XKR4: variants seen among roughly 807,000 people sequenced by gnomAD.
XKR4 encodes the protein XK-related protein 4.
XKR4 carries 12 observed loss-of-function variants against 53.9 expected under a neutral mutation model. That is an observed-to-expected ratio of 0.22 (90% CI 0.14 to 0.36). XKR4 has a LOEUF of 0.36. Ranked by LOEUF, XKR4 falls within the 10% of genes least tolerant of loss-of-function variation. XKR4 has a pLI of 1.00. For missense variants in XKR4, 799 were observed against 859.5 expected (o/e 0.93, Z 0.88); for synonymous variants, 354 against 362.4 (o/e 0.98, Z 0.26).
chr8:55,495,280 G>A (rs1336413164), intron 2 of XKR4, among the ~76,000 whole-genome samples: 1 of 152,156 alleles, frequency 6.6e-6, no homozygotes, highest in East Asian at 1.9e-4. Context: ...TGCAGGTAGC[G>A]AGGGCCTTCC....
chr8:55,275,328 T>C (rs1217022305), intron 1 of XKR4, among the ~76,000 whole-genome samples: 1 of 152,194 alleles, frequency 6.6e-6, no homozygotes, highest in Non-Finnish European at 1.5e-5. Flanking sequence ...GTAATAGATA[T>C]AAGGAATAAT....
At chr8:55,109,857 G>A (rs1187729998) in intron 1 of XKR4, among the ~76,000 whole-genome samples, 7 of 152,190 alleles carry the variant, frequency 4.6e-5, no homozygotes, top group African/African-American at 1.7e-4. Flanking sequence ...CTTACAAAAT[G>A]TTTCTTCATG....
At chr8:55,389,036 TC>T (rs1804396381) in intron 2 of XKR4, among the ~76,000 whole-genome samples, 2 of 152,180 alleles carry the variant, frequency 1.3e-5, no homozygotes, top group South Asian at 4.1e-4. Context: ...TAACAGGTCT[TC>T]TTTTAAAAAG....
rs1050717821 is a variant in XKR4, at chr8:55,337,582, G to T, written c.807-20096G>T. On this transcript the variant is annotated intron_variant, in intron 1 of 2. Coordinates refer to ENST00000327381, the MANE Select transcript of XKR4 (RefSeq NM_052898.2). ...AGGGTATATCATATTAACAACTGAG[G>T]TGGAGGAAAGACAGAGGCCAGTGAA... Among the ~76,000 whole-genome samples, 4 of 152,162 alleles carry T rather than the reference G, an allele frequency of 2.6e-5. No individual in the cohort carries two copies. In the East Asian group the frequency reaches 5.8e-4, roughly 22 times the overall value.
chr8:55,113,649 C>G (rs1416459243), intron 1 of XKR4, among the ~76,000 whole-genome samples: 1 of 152,148 alleles, frequency 6.6e-6, no homozygotes, highest in Non-Finnish European at 1.5e-5. Context: ...GTGGTGAAGT[C>G]TGGGCTTTTA....
chr8:55,467,717 G>A (rs1215650270), intron 2 of XKR4, among the ~76,000 whole-genome samples: 6 of 152,158 alleles, frequency 3.9e-5, no homozygotes, highest in Non-Finnish European at 7.3e-5. Flanking sequence ...CAAAGATTGT[G>A]ACAGTGAGAG....
chr8:55,418,595 C>G (rs1804882884), intron 2 of XKR4, among the ~76,000 whole-genome samples: 1 of 152,214 alleles, frequency 6.6e-6, no homozygotes, highest in South Asian at 2.1e-4. Context: ...CCTGTCCCCT[C>G]AGTCCATTTT....
chr8:55,273,330 C>T (rs117952851), intron 1 of XKR4, among the ~76,000 whole-genome samples: 1,797 of 152,292 alleles, frequency 0.012, 23 homozygotes, highest in Middle Eastern at 0.065. Context: ...CCAAGCTGTC[C>T]TTATTCATTC....
At chr8:55,330,147 T>G (rs1803362654) in intron 1 of XKR4, among the ~76,000 whole-genome samples, 1 of 152,224 alleles carries the variant, frequency 6.6e-6, no homozygotes, top group East Asian at 1.9e-4. Flanking sequence ...TGGTGATTTT[T>G]AATTGACATA....
At chr8:55,151,865 T>G (rs186532504) in intron 1 of XKR4, among the ~76,000 whole-genome samples, 19 of 152,336 alleles carry the variant, frequency 1.2e-4, no homozygotes, top group Non-Finnish European at 2.4e-4. Flanking sequence ...CACCAAAATT[T>G]ATTTGACCAA....
intron 1 of XKR4, among the ~76,000 whole-genome samples, chr8:55,177,436 G>A (rs1023862072): frequency 6.6e-6 from 1 of 152,192 alleles, no homozygotes. Flanking sequence ...GCTGAGTTTT[G>A]GGGAAGAATC....
intron 2 of XKR4, chr8:55,452,609 C>T (rs555552637): frequency 1.8e-6 from 2 of 1,117,706 alleles, no homozygotes; most frequent in African/African-American, 1.5e-5. Flanking sequence ...TAATGTTTAT[C>T]TGGACGATGT....
chr8:55,504,495 G>A (rs144328942), intron 2 of XKR4, among the ~76,000 whole-genome samples: 8 of 152,086 alleles, frequency 5.3e-5, no homozygotes, highest in African/African-American at 1.4e-4. Flanking sequence ...GATTACAGGC[G>A]TGAGCCACCG....
intron 2 of XKR4, among the ~76,000 whole-genome samples, chr8:55,392,431 A>G (rs986295890): frequency 1.3e-5 from 2 of 152,256 alleles, no homozygotes; most frequent in Non-Finnish European, 2.9e-5. Flanking sequence ...TTTTAAAAAG[A>G]CAATTAATTA....
intron 1 of XKR4, among the ~76,000 whole-genome samples, chr8:55,355,879 A>G (rs1388839630): frequency 6.6e-6 from 1 of 152,172 alleles, no homozygotes; most frequent in Admixed American, 6.5e-5. Context: ...GGCATCTGAG[A>G]ATCTTTGCAC....
chr8:55,140,184 A>C (rs1162290541), intron 1 of XKR4: 13 of 424,218 alleles, frequency 3.1e-5, no homozygotes, highest in African/African-American at 2.5e-4. Context: ...TTTCTTCTTT[A>C]TTTATCTCAA....
chr8:55,137,763 G>A (rs979452922), intron 1 of XKR4, among the ~76,000 whole-genome samples: 2 of 151,732 alleles, frequency 1.3e-5, no homozygotes, highest in African/African-American at 4.8e-5. Context: ...GTAGAAACAA[G>A]GTCTCATTCT....
At chr8:55,367,413 T>C (rs1804004844) in intron 2 of XKR4, among the ~76,000 whole-genome samples, 1 of 152,238 alleles carries the variant, frequency 6.6e-6, no homozygotes, top group Admixed American at 6.5e-5. Context: ...AGGAGTAATA[T>C]GGTTAATGTT....
intron 2 of XKR4, among the ~76,000 whole-genome samples, chr8:55,397,706 C>T (rs76488612): frequency 0.013 from 1,992 of 152,250 alleles, 51 homozygotes; most frequent in African/African-American, 0.046. Context: ...TGGGTGCATT[C>T]TAAGTCCCAT....
Sources: gnomAD v4.1 joint callset for allele counts (sites outside exome capture counted in the v4.1 genomes callset) on GRCh38, gnomAD v4.1.1 for gene constraint, MANE v1.5 for transcripts, NCBI Gene and HGNC (gene_info 2026-07-23, HGNC 2026-07-21) for gene names.